Variants in CNOT6 observed in about 807,000 individuals in gnomAD.
The protein encoded by CNOT6 is carbon catabolite repression 4 protein.
In CNOT6, 12 loss-of-function variants were observed where a neutral mutation model predicts 61.2. The ratio of observed to expected loss-of-function variants is 0.20; its 90% CI spans 0.13 to 0.32. The LOEUF (loss-of-function observed/expected upper bound fraction) is 0.32, where lower values mean the gene tolerates loss of function less well. Among genes scored for constraint, CNOT6 ranks in the 10% least tolerant of loss-of-function variants. CNOT6 has a pLI of 1.00. For missense variants in CNOT6, 405 were observed against 663.9 expected (o/e 0.61, Z 4.28); for synonymous variants, 225 against 240.6 (o/e 0.94, Z 0.60).
intron 3 of CNOT6, among the ~76,000 whole-genome samples, chr5:180,550,714 A>G (rs1414432374): frequency 1.3e-5 from 2 of 152,156 alleles, no homozygotes; most frequent in African/African-American, 4.8e-5. Context: ...GTTATCCCAC[A>G]TACTTCCTCA....
chr5:180,503,508 G>T (rs959305018), intron 1 of CNOT6, among the ~76,000 whole-genome samples: 4 of 151,112 alleles, frequency 2.6e-5, no homozygotes, highest in African/African-American at 9.7e-5. Flanking sequence ...GAAGTGATGT[G>T]CCTGCTTCGG....
At chr5:180,556,115 G>A (rs1759876071) in intron 4 of CNOT6, among the ~76,000 whole-genome samples, 2 of 152,054 alleles carry the variant, frequency 1.3e-5, no homozygotes, top group South Asian at 4.1e-4. Context: ...ATAGTTTCAC[G>A]TTATCGTACA....
chr5:180,497,102 T>G (rs1756645274), intron 1 of CNOT6, among the ~76,000 whole-genome samples: 1 of 151,976 alleles, frequency 6.6e-6, no homozygotes, highest in South Asian at 2.1e-4. Context: ...CCGAGATGGG[T>G]GGATCACCTG....
chr5:180,515,315 C>G (rs960266316), intron 1 of CNOT6, among the ~76,000 whole-genome samples: 1 of 151,848 alleles, frequency 6.6e-6, no homozygotes, highest in African/African-American at 2.4e-5. Flanking sequence ...GTGCCTGAGC[C>G]CAGGAGCCTA....
At chr5:180,502,296 CTT>C (rs1481163732) in intron 1 of CNOT6, among the ~76,000 whole-genome samples, 4 of 152,132 alleles carry the variant, frequency 2.6e-5, no homozygotes, top group Non-Finnish European at 5.9e-5. Flanking sequence ...AAAAAAAACT[CTT>C]TCTCATTAGC....
rs533853379 is a variant in CNOT6, at chr5:180,550,004, C to G, written c.186C>G (p.Ser62=). The G allele has an allele frequency of 6.2e-7, 1 of 1,613,980 alleles. No individual in the cohort carries two copies. Among genetic ancestry groups the G allele is most frequent in the East Asian group, 2.2e-5 (1 of 44,882 alleles). Residue 62 remains serine, a synonymous_variant, in exon 3 of 12, where the codon TCC becomes TCG. Coordinates refer to ENST00000261951, the MANE Select transcript of CNOT6 (RefSeq NM_001370472.1). The part of the protein sequence containing the change: ...HLTALHLSDN[S]LSRIPSDIAK... ...CAGCTTTGCATTTGAGTGACAATTCCCTGTCCCGAATTCCTTCAGACATTG... is the reference window on the plus strand; with the variant it reads ...CAGCTTTGCATTTGAGTGACAATTCGCTGTCCCGAATTCCTTCAGACATTG...
In CNOT6 at chr5:180,574,386, T is replaced by A; in HGVS notation, c.*186T>A. ...AGCAACAGACAAATTCTGAGCCCAATATGCTTTATACTGCTAGACAGGGAT... is the reference window on the plus strand; with the variant it reads ...AGCAACAGACAAATTCTGAGCCCAAAATGCTTTATACTGCTAGACAGGGAT... On this transcript the variant is annotated 3_prime_UTR_variant, in exon 12 of 12. Coordinates refer to ENST00000261951, the MANE Select transcript of CNOT6 (RefSeq NM_001370472.1). The A allele has an allele frequency of 6.6e-6, 4 of 609,652 alleles. No individual in the cohort carries two copies. The highest frequency in any genetic ancestry group is 5.9e-5 in the South Asian group (3 of 51,110). 37.8% of individuals were successfully genotyped at this position (609,652 alleles called of 1,614,324 possible).
intron 2 of CNOT6, among the ~76,000 whole-genome samples, chr5:180,536,306 G>T (rs1470287939): frequency 6.6e-6 from 1 of 151,824 alleles, no homozygotes; most frequent in Non-Finnish European, 1.5e-5. Context: ...GCCTAGGGTT[G>T]TTTTTTTCAT....
chr5:180,540,078 A>G (rs1363370444), intron 2 of CNOT6, among the ~76,000 whole-genome samples: 3 of 151,140 alleles, frequency 2.0e-5, no homozygotes, highest in Admixed American at 2.0e-4. Flanking sequence ...TTTTATTCCT[A>G]TCCTACTAAT....
At chr5:180,542,008 G>A in intron 2 of CNOT6, among the ~76,000 whole-genome samples, 1 of 152,026 alleles carries the variant, frequency 6.6e-6, no homozygotes. Flanking sequence ...CGTATGTCAT[G>A]GTGAGTTCTT....
intron 2 of CNOT6, chr5:180,534,294 AT>A: frequency 5.7e-6 from 1 of 175,304 alleles, no homozygotes; most frequent in Admixed American, 5.5e-5. Context: ...GCCCTTAGCA[AT>A]TAGGCCCAGT....
chr5:180,534,669 G>T (rs557404329), intron 2 of CNOT6: 46 of 146,270 alleles, frequency 3.1e-4, no homozygotes, highest in African/African-American at 1.1e-3. Context: ...GCTGGGGTCC[G>T]AGAGGCCCTC....
intron 4 of CNOT6, among the ~76,000 whole-genome samples, chr5:180,560,281 T>C (rs569392140): frequency 2.0e-5 from 3 of 152,188 alleles, no homozygotes; most frequent in Non-Finnish European, 4.4e-5. Context: ...TTTAGAAAAC[T>C]TAAGGAAATC....
At chr5:180,535,428 G>A (rs913155889) in intron 2 of CNOT6, among the ~76,000 whole-genome samples, 1 of 152,190 alleles carries the variant, frequency 6.6e-6, no homozygotes, top group Non-Finnish European at 1.5e-5. Flanking sequence ...CTGTTTCTGA[G>A]TTGTTTTGCT....
Position 180,514,805 on chromosome 5 carries a change from G to A in CNOT6, c.-2-14470G>A, listed in dbSNP as rs550713869. Among the ~76,000 whole-genome samples the A allele has an allele frequency of 2.6e-5, 4 of 152,302 alleles. No homozygotes were observed. In the East Asian group the frequency reaches 7.7e-4, roughly 29 times the overall value. On this transcript the variant is annotated intron_variant, in intron 1 of 11. Coordinates refer to ENST00000261951, the MANE Select transcript of CNOT6 (RefSeq NM_001370472.1). ...CTGTAAAGAAAACTTCCTTAAGAAA[G>A]CATGATTCCACTGTACTGAATTGCT...
intron 4 of CNOT6, among the ~76,000 whole-genome samples, chr5:180,556,299 C>T (rs527319819): frequency 8.5e-5 from 13 of 152,212 alleles, no homozygotes; most frequent in African/African-American, 3.1e-4. Flanking sequence ...AGGTGTTGGT[C>T]AGAGGGTGCG....
At chr5:180,517,100 C>T (rs892344577) in intron 1 of CNOT6, among the ~76,000 whole-genome samples, 1 of 152,176 alleles carries the variant, frequency 6.6e-6, no homozygotes, top group Non-Finnish European at 1.5e-5. Context: ...TTTAGCATTT[C>T]ATTAATGCCA....
intron 6 of CNOT6, 74 bp from the exon 7 acceptor site, chr5:180,565,746 A>G: frequency 7.3e-7 from 1 of 1,378,702 alleles, no homozygotes; most frequent in South Asian, 1.4e-5. Context: ...CATTTAAGTG[A>G]AAACCATTAC....
chr5:180,509,288 C>T (rs1439945899), intron 1 of CNOT6, among the ~76,000 whole-genome samples: 1 of 152,136 alleles, frequency 6.6e-6, no homozygotes, highest in African/African-American at 2.4e-5. Context: ...CATGCCACCA[C>T]ACTTGGTTAA....
Sources: allele counts gnomAD v4.1 joint callset (sites outside exome capture counted in the v4.1 genomes callset), GRCh38; gene constraint gnomAD v4.1.1; transcripts MANE v1.5; gene names NCBI Gene and HGNC (gene_info 2026-07-23, HGNC 2026-07-21).